CDH26: variants seen among roughly 807,000 people sequenced by gnomAD.
The protein encoded by CDH26 is cadherin 26, also known as cadherin-like protein 26.
In CDH26, 83 loss-of-function variants were observed where a neutral mutation model predicts 90.3. That is an observed-to-expected ratio of 0.92 (90% confidence interval 0.77 to 1.10). CDH26 has a LOEUF of 1.10. Among genes scored for constraint, CDH26 ranks in the 50% least tolerant of loss-of-function variants. The pLI is 0.00. For synonymous variants in CDH26, 397 were observed against 396.3 expected (o/e 1.00, Z -0.02); for missense variants, 1,013 against 1,037.6 (o/e 0.98, Z 0.33).
At chr20:60,007,086 T>C (rs1372387216) in intron 17 of CDH26, among the ~76,000 whole-genome samples, 2 of 152,140 alleles carry the variant, frequency 1.3e-5, no homozygotes, top group Non-Finnish European at 2.9e-5. Context: ...GAGAGAGAGA[T>C]ACCAAGCTCC....
chr20:59,992,587 G>GCT lies in CDH26; in HGVS notation c.1426+67_1426+68insCT. Reference sequence around the variant, plus strand: ...TTGCTTCCTGCGGGAAAATAACCCTGGTGAGCGTCTTTCAGCACAGCAGAG... The same window carrying GCT: ...TTGCTTCCTGCGGGAAAATAACCCTGCTGTGAGCGTCTTTCAGCACAGCAGAG... On this transcript the variant is annotated intron_variant, in intron 10 of 17. Coordinates refer to ENST00000348616, the MANE Select transcript of CDH26 (RefSeq NM_177980.4). This position sits in a 1 kb window ranked among gnomAD's most constrained non-coding sequence, Gnocchi z 5.0. 6.6e-7 allele frequency: 1 copy of GCT among 1,523,856 alleles called. No individual in the cohort carries two copies. The highest frequency in any genetic ancestry group is 9.1e-7 in the Non-Finnish European group (1 of 1,100,224). The allele number at this position is 1,523,856 out of a possible 1,614,324, so 94.4% of individuals were successfully genotyped here.
intron 4 of CDH26, among the ~76,000 whole-genome samples, chr20:59,980,274 C>G (rs969443436): frequency 6.6e-6 from 1 of 150,538 alleles, no homozygotes; most frequent in Non-Finnish European, 1.5e-5. Flanking sequence ...AACCCTTTGC[C>G]CATTTTAAAA....
chr20:59,978,427 G>A (rs113318920), intron 4 of CDH26, among the ~76,000 whole-genome samples: 1 of 151,274 alleles, frequency 6.6e-6, no homozygotes, highest in African/African-American at 2.4e-5. Context: ...CCAGGCTGGA[G>A]TGCAATGGGG....
chr20:60,016,157 G>T (rs1439239418), downstream of CDH26, among the ~76,000 whole-genome samples: 1 of 152,130 alleles, frequency 6.6e-6, no homozygotes, highest in East Asian at 1.9e-4. Flanking sequence ...TTTCTGTGAA[G>T]AATGTCATTG....
Position 59,969,120 on chromosome 20 carries a change from A to G in CDH26, c.126+97A>G, listed in dbSNP as rs1460574206. ...TTTGGAGTTCTTTAGTGCCCTGCCA[A>G]TGTTTGGTTTGCAGAAAATAAAATA... is the stretch of plus-strand genomic sequence containing the variant. On this transcript the variant is annotated intron_variant, in intron 2 of 17. Transcript: ENST00000348616. 1.2e-5 allele frequency: 9 copies of G among 733,980 alleles called. No homozygotes were observed. The East Asian group carries it at 1.5e-4, about 12-fold the overall frequency. The allele number at this position is 733,980 out of a possible 1,614,324, so 45.5% of individuals were successfully genotyped here. A position where few individuals can be genotyped will look rare whatever the true frequency, so the allele number is the denominator to read the frequency against.
chr20:60,026,435 G>GGT, intron 7 of CDH26, among the ~76,000 whole-genome samples: 2 of 140,812 alleles, frequency 1.4e-5, no homozygotes, highest in Middle Eastern at 7.8e-3. Flanking sequence ...AGGGAGAAGA[G>GGT]GAGGCAGAAG....
chr20:59,993,260 T>G (rs990166818), intron 10 of CDH26, among the ~76,000 whole-genome samples: 5 of 152,200 alleles, frequency 3.3e-5, no homozygotes, highest in African/African-American at 1.2e-4. Flanking sequence ...TTTTTTTCCT[T>G]TATTTTTTGC....
chr20:59,997,480 A>G (rs1353790244), intron 13 of CDH26, among the ~76,000 whole-genome samples: 1 of 152,290 alleles, frequency 6.6e-6, no homozygotes, highest in African/African-American at 2.4e-5. Context: ...CACCTAACAC[A>G]AGGCAGAGCC....
chr20:60,012,170 G>A (rs62205079), intron 17 of CDH26, among the ~76,000 whole-genome samples: 51,891 of 151,874 alleles, frequency 0.34, 11,088 homozygotes, highest in Non-Finnish European at 0.46. Context: ...TTGTCCAAAC[G>A]AGGGCCGGGG....
At chr20:59,981,257 A>G (rs1224904556) in intron 4 of CDH26, among the ~76,000 whole-genome samples, 1 of 152,118 alleles carries the variant, frequency 6.6e-6, no homozygotes, top group Non-Finnish European at 1.5e-5. Flanking sequence ...CAGCTTGTTG[A>G]TATCTCTAAA....
Position 60,013,684 on chromosome 20 carries a change from C to T in CDH26, c.*954C>T, listed in dbSNP as rs2061877626. ...TATATAATTAATGAGCAAATGCCGTCTCTCATGCCCTAAAATAAATCAGTA... is the reference window on the plus strand; with the variant it reads ...TATATAATTAATGAGCAAATGCCGTTTCTCATGCCCTAAAATAAATCAGTA... On this transcript the variant is annotated 3_prime_UTR_variant, in exon 18 of 18. Coordinates refer to ENST00000348616, the MANE Select transcript of CDH26 (RefSeq NM_177980.4). 1 of 152,192 alleles carries T rather than the reference C, an allele frequency of 6.6e-6. No individual in the cohort carries two copies. Among genetic ancestry groups the T allele is most frequent in the Non-Finnish European group, 1.5e-5 (1 of 68,034 alleles). The allele number at this position is 152,192 out of a possible 1,614,324, so 9.4% of individuals were successfully genotyped here.
chr20:59,995,393 C>G (rs1380569641), intron 11 of CDH26, among the ~76,000 whole-genome samples: 1 of 152,156 alleles, frequency 6.6e-6, no homozygotes, highest in African/African-American at 2.4e-5. Flanking sequence ...GACACTGGAG[C>G]CTGAGGCTCA....
chr20:60,009,531 G>A (rs369503259), intron 17 of CDH26, among the ~76,000 whole-genome samples: 8 of 152,302 alleles, frequency 5.3e-5, no homozygotes, highest in East Asian at 1.9e-4. Context: ...GGAGAGGGAC[G>A]TGTTCCAGCC....
intron 11 of CDH26, among the ~76,000 whole-genome samples, chr20:59,995,450 G>T (rs1250091077): frequency 6.6e-6 from 1 of 152,164 alleles, no homozygotes; most frequent in East Asian, 1.9e-4. Context: ...GTCCCTCATC[G>T]ATGCTGACCT....
In CDH26 at chr20:60,030,715, GCAGAGTGGTTGGGGGCCAC is replaced by G. The variant is rs2062033824; in HGVS notation, c.948-511_948-493del. The stretch of plus-strand genomic sequence containing the variant: ...AACCTTGAGAACATGAGGGGAAGAG[GCAGAGTGGTTGGGGGCCAC>G]CAGATGTGGGAAGCATGGAAGTGAG... On this transcript the variant is annotated intron_variant, in intron 7 of 8. Transcript: ENST00000370991. This position sits in a 1 kb window ranked among gnomAD's most constrained non-coding sequence, Gnocchi z 4.0. 2.6e-5 allele frequency among the ~76,000 whole-genome samples: 4 copies of G among 152,308 alleles called. No homozygotes were observed. The South Asian group carries it at 8.3e-4, about 32-fold the overall frequency.
At chr20:59,987,994 A>G (rs933449979) in intron 8 of CDH26, among the ~76,000 whole-genome samples, 4 of 152,198 alleles carry the variant, frequency 2.6e-5, no homozygotes, top group Admixed American at 6.5e-5. Flanking sequence ...TTCAACACTA[A>G]AAGTTCTTTC....
chr20:60,025,928 G>A (rs938599226), intron 7 of CDH26, among the ~76,000 whole-genome samples: 21 of 152,294 alleles, frequency 1.4e-4, no homozygotes, highest in East Asian at 5.8e-4. Context: ...TGAACCCGGC[G>A]TAGTGTTGAA....
chr20:60,001,895 T>G (rs147922177), intron 15 of CDH26, among the ~76,000 whole-genome samples: 416 of 152,322 alleles, frequency 2.7e-3, no homozygotes, highest in African/African-American at 9.5e-3. Flanking sequence ...TTAGACTAAA[T>G]AGAAGTTGCA....
At chr20:60,022,792 C>A (rs982183780) in intron 7 of CDH26, among the ~76,000 whole-genome samples, 1 of 152,190 alleles carries the variant, frequency 6.6e-6, no homozygotes, top group Non-Finnish European at 1.5e-5. Flanking sequence ...ATAAAGAATT[C>A]TGGAGCCATG....
Sources: gnomAD v4.1 joint callset for allele counts (sites outside exome capture counted in the v4.1 genomes callset) on GRCh38, gnomAD v4.1.1 for gene constraint, Gnocchi (gnomAD v3.1) non-coding constraint, MANE v1.5 for transcripts, NCBI Gene and HGNC (gene_info 2026-07-23, HGNC 2026-07-21) for gene names.